MROH2A: variants seen among roughly 807,000 people sequenced by gnomAD.
The protein encoded by MROH2A is maestro heat-like repeat-containing protein family member 2A.
In MROH2A, 174 loss-of-function variants were observed where a neutral mutation model predicts 200.4. The observed-to-expected ratio is 0.87, with a 90% CI of 0.77 to 0.98. The LOEUF is 0.98. MROH2A is among the 50% of genes least tolerant of loss of function. The probability of loss-of-function intolerance (pLI) is 0.00; values close to 1 mark genes in which losing one functional copy is unlikely to be tolerated. For missense variants in MROH2A, 2,045 were observed against 2,139.6 expected, an observed-to-expected ratio of 0.96 and a Z score of 0.87; for synonymous variants, 829 against 840.4, an observed-to-expected ratio of 0.99 and a Z score of 0.23.
rs1171720009 is a variant in MROH2A, at chr2:233,800,249, G to C, written c.1494G>C (p.Arg498Ser). The C allele has an allele frequency of 1.3e-6, 2 of 1,550,140 alleles. No homozygotes were observed. The highest frequency in any genetic ancestry group is 1.7e-6 in the Non-Finnish European group (2 of 1,146,832). The stretch of plus-strand genomic sequence containing the variant: ...TTTATCAGAGGGACTTGGAGGAGAG[G>C]ATGGTCCACAAAGTCACCATGGACA... ...EKFYQRDLEERMVHKVTMDTV... is the reference protein window; with the variant it reads ...EKFYQRDLEESMVHKVTMDTV... Residue 498 changes from arginine (R) to serine (S), a missense_variant, in exon 14 of 42, where the codon AGG (arginine) becomes AGC (serine). Around this residue, in one of 3 missense-constraint regions of MROH2A, gnomAD observed 831 missense variants for 800.0 expected, o/e 1.04. Transcript: ENST00000389758.
chr2:233,810,789 C>G lies in MROH2A; in HGVS notation c.2449-5C>G. The G allele has an allele frequency of 6.5e-7, 1 of 1,550,084 alleles. No homozygotes were observed. Among genetic ancestry groups the G allele is most frequent in the Non-Finnish European group, 8.7e-7 (1 of 1,146,604 alleles). On this transcript the variant is annotated splice_region_variant and splice_polypyrimidine_tract_variant and intron_variant, in intron 22 of 41. Transcript: ENST00000389758. Reference sequence around the variant, plus strand: ...CTCTCCCTCCTTTTCCCCTTCTGGGCTCAGGACATCTGTCTCAAAATGGCC... The same window carrying G: ...CTCTCCCTCCTTTTCCCCTTCTGGGGTCAGGACATCTGTCTCAAAATGGCC...
chr2:233,833,050 C>G (rs1308064581), intron 41 of MROH2A, 88 bp from the exon 42 acceptor site: 44 of 1,436,294 alleles, frequency 3.1e-5, no homozygotes, highest in Non-Finnish European at 4.0e-5. Flanking sequence ...CCTTCTGCGG[C>G]CCTTGCCTGC....
intron 19 of MROH2A, among the ~76,000 whole-genome samples, chr2:233,805,888 A>G (rs1702761962): frequency 6.6e-6 from 1 of 152,228 alleles, no homozygotes; most frequent in Admixed American, 6.5e-5. Context: ...GAAATTGGAT[A>G]TCTTCCTCAC....
intron 40 of MROH2A, 121 bp downstream of exon 40, chr2:233,832,400 AG>A: frequency 1.0e-6 from 1 of 982,646 alleles, no homozygotes; most frequent in Non-Finnish European, 1.5e-6. Flanking sequence ...ACCAGAGCTC[AG>A]GTCTAAGCCC....
chr2:233,793,532 G>C (rs1280943317), intron 6 of MROH2A, 141 bp from the exon 7 acceptor site: 10 of 681,102 alleles, frequency 1.5e-5, no homozygotes, highest in Non-Finnish European at 2.2e-5. Flanking sequence ...TGAAGGTGCT[G>C]TGGGGGGTTG....
At chr2:233,803,566 C>T in intron 16 of MROH2A, 78 bp downstream of exon 16, 1 of 1,465,200 alleles carries the variant, frequency 6.8e-7, no homozygotes. Context: ...CTCCTAATTC[C>T]CAGAGCCCCA....
At chr2:233,775,985 G>A (rs1280798951), upstream of MROH2A, among the ~76,000 whole-genome samples, 1 of 152,132 alleles carries the variant, frequency 6.6e-6, no homozygotes, top group Non-Finnish European at 1.5e-5. Flanking sequence ...CATGTAAGAT[G>A]TGCCCTTGCT....
chr2:233,805,281 TA>T (rs375231772), intron 19 of MROH2A, among the ~76,000 whole-genome samples, 170 bp downstream of exon 19: 130 of 152,328 alleles, frequency 8.5e-4, no homozygotes, highest in Middle Eastern at 3.4e-3. Flanking sequence ...TGTTTTGGTT[TA>T]TTTTTTTGCT....
intron 5 of MROH2A, 22 bp downstream of exon 5, chr2:233,790,036 G>C (rs1181045836): frequency 1.3e-6 from 2 of 1,528,150 alleles, no homozygotes; most frequent in East Asian, 2.5e-5. Flanking sequence ...AGGGCCCTCA[G>C]CCGGGCCCAG....
chr2:233,829,814 C>T, intron 38 of MROH2A, 39 bp downstream of exon 38: 1 of 1,290,378 alleles, frequency 7.7e-7, no homozygotes, highest in Non-Finnish European at 9.9e-7. Flanking sequence ...AGTCTGGGGC[C>T]CGCTGTTCCC....
Position 233,818,664 on chromosome 2 carries a change from G to C in MROH2A, c.3098G>C (p.Cys1033Ser). 6.5e-7 allele frequency: 1 copy of C among 1,548,000 alleles called. No homozygotes were observed. The highest frequency in any genetic ancestry group is 8.7e-7 in the Non-Finnish European group (1 of 1,144,872). Residue 1033 changes from cysteine to serine, a missense_variant, in exon 29 of 42, where the codon TGC (cysteine) becomes TCC (serine). Around this residue, in one of 3 missense-constraint regions of MROH2A, gnomAD observed 1,201 missense variants for 1,311.3 expected, o/e 0.92. Transcript: ENST00000389758. ...SLLDLHASQT[C>S]SLWGPSKQKE... ...GTATTCCCGACAGCAAGCCAGACCT[G>C]CTCCTTGTGGGGCCCTTCCAAGCAG...
chr2:233,793,311 T>C (rs1701899968), intron 6 of MROH2A, among the ~76,000 whole-genome samples: 1 of 152,200 alleles, frequency 6.6e-6, no homozygotes, highest in Non-Finnish European at 1.5e-5. Flanking sequence ...GATTACTTAA[T>C]GTTCTTGTGG....
chr2:233,810,770 C>T (rs753745359), intron 22 of MROH2A, 24 bp from the exon 23 acceptor site: 28 of 1,548,778 alleles, frequency 1.8e-5, no homozygotes, highest in Middle Eastern at 1.7e-4. Context: ...CATTCTCTCC[C>T]TCCTTTTCCC....
At chr2:233,814,793 A>G (rs1703404091) in intron 26 of MROH2A, 116 bp downstream of exon 26, 2 of 648,514 alleles carry the variant, frequency 3.1e-6, no homozygotes, top group African/African-American at 3.7e-5. Context: ...TAGTGATTTC[A>G]TTGTTATAAA....
intron 3 of MROH2A, among the ~76,000 whole-genome samples, chr2:233,781,051 C>T (rs182640875): frequency 1.7e-4 from 26 of 152,246 alleles, no homozygotes; most frequent in Non-Finnish European, 2.6e-4. Flanking sequence ...ATTCATGTTA[C>T]GGTAAATGAC....
intron 38 of MROH2A, among the ~76,000 whole-genome samples, chr2:233,831,185 G>A (rs957186183): frequency 6.6e-6 from 1 of 152,236 alleles, no homozygotes; most frequent in Non-Finnish European, 1.5e-5. Context: ...GGGGCGGGTG[G>A]GGCTGCATCT....
At chr2:233,824,894 A>C (rs7557412) in intron 35 of MROH2A, among the ~76,000 whole-genome samples, 62,418 of 152,092 alleles carry the variant, frequency 0.41, 12,999 homozygotes, top group Middle Eastern at 0.47. Flanking sequence ...AATAGCATTG[A>C]ATCTATACAT....
chr2:233,780,981 AT>A (rs1050570654), intron 3 of MROH2A, among the ~76,000 whole-genome samples: 7 of 152,196 alleles, frequency 4.6e-5, no homozygotes, highest in African/African-American at 1.7e-4. Context: ...GAGTGAGAAC[AT>A]GTGGTATTTA....
At chr2:233,786,466 AG>A (rs768951820) in intron 3 of MROH2A, among the ~76,000 whole-genome samples, 3 of 152,256 alleles carry the variant, frequency 2.0e-5, no homozygotes, top group African/African-American at 4.8e-5. Flanking sequence ...CCATGAGATT[AG>A]GGTCCCACCC....
Sources: allele counts gnomAD v4.1 joint callset (sites outside exome capture counted in the v4.1 genomes callset), GRCh38; gene constraint gnomAD v4.1.1; regional missense constraint gnomAD v4.1.1; transcripts MANE v1.5; gene names NCBI Gene and HGNC (gene_info 2026-07-23, HGNC 2026-07-21).